The following KIF9 variants were observed in gnomAD, a reference collection of about 807,000 sequenced individuals.
KIF9 encodes the protein kinesin family member 9.
In KIF9, 68 loss-of-function variants were observed where a neutral mutation model predicts 94.8. The ratio of observed to expected loss-of-function variants is 0.72; its 90% CI spans 0.59 to 0.88. The LOEUF (loss-of-function observed/expected upper bound fraction) is 0.88. KIF9 is among the 40% of genes least tolerant of loss of function. KIF9 has a pLI of 0.00. For missense variants in KIF9, 882 were observed against 982.5 expected (o/e 0.90, Z 1.37); for synonymous variants, 343 against 362.1 (o/e 0.95, Z 0.60).
chr3:47,279,839 G>C (rs966348055), intron 1 of KIF9, among the ~76,000 whole-genome samples: 2 of 152,036 alleles, frequency 1.3e-5, no homozygotes, highest in African/African-American at 2.4e-5. Context: ...GGATGGTCTC[G>C]ATCTCCTGAC....
At chr3:47,266,253 T>C (rs998287344) in intron 7 of KIF9, among the ~76,000 whole-genome samples, 1 of 152,208 alleles carries the variant, frequency 6.6e-6, no homozygotes, top group Non-Finnish European at 1.5e-5. Flanking sequence ...CACATACAAA[T>C]GCTCATCTGA....
At position 47,257,536 on chromosome 3, in the gene KIF9, T is replaced by C. The variant is rs1248915880; in HGVS notation, c.1006A>G (p.Arg336Gly). ...GGCTCAGTGGTGACTAGCTTCATCC[T>C]GCTGGCAAATCTCAGTGAAGATAGC... ...ETLSSLRFASRMKLVTTEPAI... is the reference protein window; with the variant it reads ...ETLSSLRFASGMKLVTTEPAI... Residue 336 changes from arginine to glycine, a missense_variant, in exon 10 of 21, where the codon AGG (arginine) becomes GGG (glycine). Coordinates refer to ENST00000684063, the MANE Select transcript of KIF9 (RefSeq NM_182902.4). The C allele has an allele frequency of 6.2e-7, 1 of 1,613,916 alleles. No homozygotes were observed. Among genetic ancestry groups the C allele is most frequent in the South Asian group, 1.1e-5 (1 of 91,084 alleles).
chr3:47,275,984 G>C (rs1701941706), intron 2 of KIF9, among the ~76,000 whole-genome samples: 1 of 152,174 alleles, frequency 6.6e-6, no homozygotes, highest in Non-Finnish European at 1.5e-5. Context: ...GCCAAAGTGA[G>C]TGATGATGAA....
At chr3:47,237,002 G>A (rs114468582) in intron 17 of KIF9, among the ~76,000 whole-genome samples, 2 of 152,198 alleles carry the variant, frequency 1.3e-5, no homozygotes, top group Non-Finnish European at 2.9e-5. Flanking sequence ...TGCCATCACT[G>A]GCTAGTACTA....
At chr3:47,239,489 C>G in intron 17 of KIF9, 1 of 962,466 alleles carries the variant, frequency 1.0e-6, no homozygotes, top group Non-Finnish European at 1.3e-6. Flanking sequence ...GAGGGCTTTG[C>G]CCTCAGGAAT....
Position 47,245,507 on chromosome 3 carries a change from G to C in KIF9, c.1294C>G (p.Gln432Glu), listed in dbSNP as rs778383292. 9 of 1,612,886 alleles carry C rather than the reference G, an allele frequency of 5.6e-6. No individual in the cohort carries two copies. The East Asian group carries it at 1.8e-4, about 32-fold the overall frequency. ...FNQFRVVLSQ[Q>E]EQEVESTLRR... is the part of the protein sequence containing the mutation. ...AAAGTGGACTCCACTTCCTGTTCCT[G>C]TTGGCTTGGGAGACAGCAAGAGAGA... Residue 432 changes from glutamine (Q) to glutamate (E), a missense_variant, in exon 14 of 21, where the codon CAG (glutamine) becomes GAG (glutamate). Coordinates refer to ENST00000684063, the MANE Select transcript of KIF9 (RefSeq NM_182902.4).
chr3:47,245,508 T>C lies in KIF9; in HGVS notation c.1293A>G (p.Gln431=). Residue 431 remains glutamine (Q), a synonymous_variant, in exon 14 of 21, where the codon CAA becomes CAG. Transcript: ENST00000684063. ...VFNQFRVVLS[Q]QEQEVESTLR... ...AAGTGGACTCCACTTCCTGTTCCTG[T>C]TGGCTTGGGAGACAGCAAGAGAGAA... 1 of 1,613,074 alleles carries C rather than the reference T, an allele frequency of 6.2e-7. No homozygotes were observed. Among genetic ancestry groups the C allele is most frequent in the Non-Finnish European group, 8.5e-7 (1 of 1,179,438 alleles).
At chr3:47,232,361 C>T (rs1027657110) in intron 20 of KIF9, among the ~76,000 whole-genome samples, 36 of 151,850 alleles carry the variant, frequency 2.4e-4, no homozygotes, top group African/African-American at 8.5e-4. Flanking sequence ...CTCAGCTCAC[C>T]GCAACCTCCA....
chr3:47,239,736 T>G, intron 17 of KIF9: 1 of 1,277,492 alleles, frequency 7.8e-7, no homozygotes, highest in African/African-American at 1.5e-5. Context: ...TACAAGTGTG[T>G]GCCACCACGC....
At position 47,247,364 on chromosome 3, in the gene KIF9, G is replaced by A. The variant is rs1419971862; in HGVS notation, c.1233+9C>T. 2.5e-6 allele frequency: 4 copies of A among 1,595,870 alleles called. No individual in the cohort carries two copies. Among genetic ancestry groups the A allele is most frequent in the Non-Finnish European group, 3.4e-6 (4 of 1,163,758 alleles). On this transcript the variant is annotated intron_variant, in intron 12 of 20. Coordinates refer to ENST00000684063, the MANE Select transcript of KIF9 (RefSeq NM_182902.4). ...GGCTGAGCATAGTGGTCACAGAGGGGTTCCTTACGTCGATCTCGTCCAGTG... is the reference window on the plus strand; with the variant it reads ...GGCTGAGCATAGTGGTCACAGAGGGATTCCTTACGTCGATCTCGTCCAGTG...
intron 13 of KIF9, 56 bp downstream of exon 13, chr3:47,246,141 A>T (rs1699910382): frequency 6.6e-7 from 1 of 1,505,068 alleles, no homozygotes; most frequent in Admixed American, 1.7e-5. Context: ...CCCAGATGGC[A>T]GGAGATGAAA....
intron 1 of KIF9, among the ~76,000 whole-genome samples, chr3:47,280,444 C>T (rs775752638): frequency 1.3e-5 from 2 of 152,214 alleles, no homozygotes; most frequent in Non-Finnish European, 2.9e-5. Flanking sequence ...TGGTGGCTCA[C>T]GCCTGTAATC....
chr3:47,265,700 C>T, intron 8 of KIF9, 30 bp downstream of exon 8: 1 of 1,609,208 alleles, frequency 6.2e-7, no homozygotes, highest in Non-Finnish European at 8.5e-7. Context: ...CACAGACCCT[C>T]CTCCCTGGGC....
In KIF9 at chr3:47,244,885, G is replaced by A; in HGVS notation, c.1420C>T (p.Pro474Ser). The A allele has an allele frequency of 6.2e-7, 1 of 1,614,120 alleles. No homozygotes were observed. The highest frequency in any genetic ancestry group is 1.1e-5 in the South Asian group (1 of 91,082). The change falls in exon 15 of 21, where the codon CCT (proline) becomes TCT (serine). Residue 474 changes from proline (P) to serine (S), a missense_variant. Pro to Ser is a moderately conservative substitution (Grantham distance 74). Transcript: ENST00000684063. ...CCGAGTCCAAAGTTTTGTCCTTCAG[G>A]CTCACCCACTAGGTGGCCATCAACA... ...VDVDGHLVGE[P>S]EGQNFGLGVA...
At position 47,266,983 on chromosome 3, in the gene KIF9, T is replaced by C. The variant is rs1371205478; in HGVS notation, c.761A>G (p.Lys254Arg). The change falls in exon 7 of 21, where the codon AAG (lysine) becomes AGG (arginine). Residue 254 changes from lysine to arginine, a missense_variant. Transcript: ENST00000684063. ...VDLAGSERLG[K>R]SGSEGQVLKE... ...CCAGCCCCCATCACTTACCCCAGAC[T>C]TCCCCAGCCTCTCTGAGCCTGCCAG... is the stretch of plus-strand genomic sequence containing the variant. 6 of 1,613,266 alleles carry C rather than the reference T, an allele frequency of 3.7e-6. No individual in the cohort carries two copies. The South Asian group carries it at 4.4e-5, about 12-fold the overall frequency.
In KIF9 at chr3:47,275,490, T is replaced by A; in HGVS notation, c.94A>T (p.Ser32Cys). The change falls in exon 3 of 21, where the codon AGC (serine) becomes TGC (cysteine). Residue 32 changes from serine (S) to cysteine (C), a missense_variant and splice_region_variant. Ser to Cys is a moderately radical substitution (Grantham distance 112). Transcript: ENST00000684063. ...EMIRYGDDKR[S>C]IDIHLKKDIR... ...TCTTTTTTTAAGTGAATATCAATGC[T>A]CTAGGAAAAAAGAGTGAGAAAGAAA... 6.3e-7 allele frequency: 1 copy of A among 1,594,612 alleles called. No homozygotes were observed. Among genetic ancestry groups the A allele is most frequent in the East Asian group, 2.2e-5 (1 of 44,776 alleles).
intron 12 of KIF9, chr3:47,246,471 GA>G (rs1291665806): frequency 2.9e-6 from 1 of 343,120 alleles, no homozygotes; most frequent in African/African-American, 2.1e-5. Flanking sequence ...AGTATTTGCT[GA>G]GGCTATAAAA....
At chr3:47,235,672 C>G (rs2107069115) in intron 19 of KIF9, 55 bp from the exon 20 acceptor site, 1 of 1,408,052 alleles carries the variant, frequency 7.1e-7, no homozygotes, top group Non-Finnish European at 1.0e-6. Context: ...CCTAGCAGAG[C>G]CTGTGGTGTG....
intron 20 of KIF9, 133 bp from the exon 21 acceptor site, chr3:47,228,835 T>C: frequency 1.4e-6 from 1 of 725,048 alleles, no homozygotes; most frequent in Non-Finnish European, 2.5e-6. Context: ...GGATTCCTTC[T>C]GAGTAGCCCC....
Sources: gnomAD v4.1 joint callset for allele counts (sites outside exome capture counted in the v4.1 genomes callset) on GRCh38, gnomAD v4.1.1 for gene constraint, MANE v1.5 for transcripts, NCBI Gene and HGNC (gene_info 2026-07-23, HGNC 2026-07-21) for gene names.